GSG1L: variants seen among roughly 807,000 people sequenced by gnomAD.
The protein encoded by GSG1L is GSG1 like, also known as germ cell-specific gene 1-like protein.
Under a neutral mutation model 42.1 loss-of-function variants are expected in GSG1L, and 24 were observed. The ratio of observed to expected loss-of-function variants is 0.57; its 90% confidence interval spans 0.41 to 0.80. The LOEUF (loss-of-function observed/expected upper bound fraction) is 0.80, where lower values mean the gene tolerates loss of function less well. Among genes scored for constraint, GSG1L ranks in the 30% least tolerant of loss-of-function variants. GSG1L has a pLI of 0.00. For missense variants in GSG1L, 445 were observed against 472.2 expected (o/e 0.94, Z 0.53); for synonymous variants, 215 against 203.5 (o/e 1.06, Z -0.48).
intron 5 of GSG1L, among the ~76,000 whole-genome samples, chr16:27,816,020 A>T (rs1456567400): frequency 6.6e-6 from 1 of 152,180 alleles, no homozygotes; most frequent in African/African-American, 2.4e-5. Context: ...CAGGACTGAG[A>T]ACACTGCCTG....
At chr16:27,938,730 C>A (rs1209357732) in intron 2 of GSG1L, among the ~76,000 whole-genome samples, 1 of 152,148 alleles carries the variant, frequency 6.6e-6, no homozygotes, top group Admixed American at 6.6e-5. Context: ...GATGGATGGG[C>A]TGCTTGGAGC....
At chr16:27,978,942 T>G (rs998765022) in intron 1 of GSG1L, among the ~76,000 whole-genome samples, 1 of 152,146 alleles carries the variant, frequency 6.6e-6, no homozygotes, top group Non-Finnish European at 1.5e-5. Context: ...ATCAGCTCCA[T>G]GTTTTGACAC....
At chr16:27,823,573 A>T (rs574025831) in intron 5 of GSG1L, among the ~76,000 whole-genome samples, 3 of 152,014 alleles carry the variant, frequency 2.0e-5, no homozygotes, top group Non-Finnish European at 4.4e-5. Context: ...ACTCGGATGA[A>T]ATGGGCTCCA....
intron 1 of GSG1L, among the ~76,000 whole-genome samples, chr16:27,985,401 T>C (rs1366744969): frequency 2.0e-5 from 3 of 152,100 alleles, no homozygotes; most frequent in Admixed American, 6.6e-5. Context: ...TCTCTAGCTC[T>C]CTCTCTCACC....
At chr16:27,951,525 G>C (rs992499699) in intron 2 of GSG1L, among the ~76,000 whole-genome samples, 1 of 152,186 alleles carries the variant, frequency 6.6e-6, no homozygotes, top group African/African-American at 2.4e-5. Context: ...TGTGGAGGCA[G>C]GACCTTTGGG....
At chr16:27,832,065 C>T (rs565136463) in intron 4 of GSG1L, among the ~76,000 whole-genome samples, 1 of 152,326 alleles carries the variant, frequency 6.6e-6, no homozygotes, top group African/African-American at 2.4e-5. Context: ...CATTCTGTAT[C>T]ACATGCCCCT....
At chr16:27,806,389 T>A (rs1375890251) in intron 6 of GSG1L, among the ~76,000 whole-genome samples, 1 of 152,190 alleles carries the variant, frequency 6.6e-6, no homozygotes, top group Non-Finnish European at 1.5e-5. Flanking sequence ...CAGACCTGTG[T>A]TTAAATCTCT....
intron 5 of GSG1L, among the ~76,000 whole-genome samples, chr16:27,827,947 A>G (rs62031121): frequency 4.5e-5 from 4 of 89,158 alleles, no homozygotes; most frequent in Non-Finnish European, 7.7e-5. Flanking sequence ...CCATCCATCC[A>G]TCTACCTACC....
At chr16:27,871,817 A>T (rs964725043) in intron 3 of GSG1L, among the ~76,000 whole-genome samples, 2 of 152,228 alleles carry the variant, frequency 1.3e-5, no homozygotes, top group Non-Finnish European at 2.9e-5. Flanking sequence ...ATTTATAGAA[A>T]ATGTCTAGAA....
intron 6 of GSG1L, among the ~76,000 whole-genome samples, chr16:27,807,103 C>A (rs1049514523): frequency 6.6e-6 from 1 of 152,226 alleles, no homozygotes; most frequent in East Asian, 1.9e-4. Flanking sequence ...ATCTAAGCTG[C>A]CAAGAGTATC....
intron 2 of GSG1L, among the ~76,000 whole-genome samples, chr16:27,912,283 GCAGGAGGATCGC>G (rs1252905394): frequency 6.6e-6 from 1 of 152,170 alleles, no homozygotes; most frequent in Non-Finnish European, 1.5e-5. Context: ...AGAGGCTGAG[GCAGGAGGATCGC>G]TTAAGCCCAG....
At chr16:27,999,489 G>A (rs983656629) in intron 1 of GSG1L, among the ~76,000 whole-genome samples, 4 of 152,060 alleles carry the variant, frequency 2.6e-5, no homozygotes, top group East Asian at 1.9e-4. Context: ...TCCAAAATAC[G>A]ATTTTATGCA....
chr16:27,860,795 T>A (rs1186831140), intron 3 of GSG1L, among the ~76,000 whole-genome samples: 1 of 152,156 alleles, frequency 6.6e-6, no homozygotes, highest in Non-Finnish European at 1.5e-5. Context: ...GACGCCAGCC[T>A]AGGCAGGGAC....
At chr16:27,957,872 G>A (rs2085024153) in intron 2 of GSG1L, among the ~76,000 whole-genome samples, 1 of 152,154 alleles carries the variant, frequency 6.6e-6, no homozygotes, top group African/African-American at 2.4e-5. Flanking sequence ...GAGGAAGCAG[G>A]CATGTCACAT....
chr16:27,845,550 T>C (rs1039289759), intron 3 of GSG1L, among the ~76,000 whole-genome samples: 1 of 152,194 alleles, frequency 6.6e-6, no homozygotes, highest in Non-Finnish European at 1.5e-5. Context: ...TTCCCCCATC[T>C]AGTAAGAAGA....
intron 1 of GSG1L, among the ~76,000 whole-genome samples, chr16:28,033,535 G>A (rs1202143478): frequency 6.6e-6 from 1 of 151,858 alleles, no homozygotes; most frequent in Non-Finnish European, 1.5e-5. Flanking sequence ...AGGAAGGGGA[G>A]GAGGAAAGGA....
chr16:28,057,696 T>C (rs1406191479), intron 1 of GSG1L, among the ~76,000 whole-genome samples: 1 of 152,210 alleles, frequency 6.6e-6, no homozygotes, highest in African/African-American at 2.4e-5. Context: ...TACCAAGTGC[T>C]GGCTGTGGCC....
At chr16:28,051,441 T>G (rs1170265077) in intron 1 of GSG1L, among the ~76,000 whole-genome samples, 1 of 151,696 alleles carries the variant, frequency 6.6e-6, no homozygotes, top group Non-Finnish European at 1.5e-5. Flanking sequence ...AAAGCGTGGG[T>G]TGCACATCAC....
chr16:28,017,460 A>G (rs1184099809), intron 1 of GSG1L, among the ~76,000 whole-genome samples: 1 of 152,222 alleles, frequency 6.6e-6, no homozygotes, highest in Non-Finnish European at 1.5e-5. Context: ...CAGCAACTCC[A>G]TTCAAAGGAA....
Sources: gnomAD v4.1 joint callset for allele counts (sites outside exome capture counted in the v4.1 genomes callset) on GRCh38, gnomAD v4.1.1 for gene constraint, MANE v1.5 for transcripts, NCBI Gene and HGNC (gene_info 2026-07-23, HGNC 2026-07-21) for gene names.